The following EPN3 variants were observed in gnomAD, a reference collection of about 807,000 sequenced individuals.
The protein encoded by EPN3 is epsin 3.
In EPN3, 56 loss-of-function variants were observed where a neutral mutation model predicts 55.5. That is an observed-to-expected ratio of 1.01 (90% CI 0.81 to 1.26). The LOEUF (loss-of-function observed/expected upper bound fraction) is 1.26, where lower values mean the gene tolerates loss of function less well. Ranked by LOEUF, EPN3 falls within the 50% of genes most tolerant of loss-of-function variation. The probability of loss-of-function intolerance (pLI) is 0.00; values close to 1 mark genes in which losing one functional copy is unlikely to be tolerated. For synonymous variants in EPN3, 449 were observed against 375.2 expected (o/e 1.20, Z -2.27); for missense variants, 927 against 853.4 (o/e 1.09, Z -1.07).
chr17:50,535,198 GA>G (rs2034742375), intron 1 of EPN3, among the ~76,000 whole-genome samples: 1 of 152,198 alleles, frequency 6.6e-6, no homozygotes, highest in South Asian at 2.1e-4. Flanking sequence ...GGAGAACCCA[GA>G]CTGTTCCTAC....
Position 50,541,280 on chromosome 17 carries a change from C to A in EPN3, c.1301C>A (p.Thr434Asn). ...GCCAAACCTCCAGAATCCACAGAGA[C>A]CAAGGAGGGGCTGGAGCAGGCCCTG... ...PFAKPPESTE[T>N]KEGLEQALPS... is the part of the protein sequence containing the mutation. The change falls in exon 8 of 10, where the codon ACC (threonine) becomes AAC (asparagine). Residue 434 changes from threonine to asparagine, a missense_variant. Thr to Asn is a moderately conservative substitution (Grantham distance 65). Transcript: ENST00000268933. The A allele has an allele frequency of 1.2e-6, 2 of 1,613,568 alleles. No homozygotes were observed. Among genetic ancestry groups the A allele is most frequent in the Non-Finnish European group, 1.7e-6 (2 of 1,180,012 alleles).
Position 50,543,654 on chromosome 17 carries a change from G to C in EPN3, c.*1497G>C, listed in dbSNP as rs538900230. On this transcript the variant is annotated 3_prime_UTR_variant, in exon 10 of 10. Transcript: ENST00000268933. ...ACCTGCTCAGGAGTCAGACTTACAG[G>C]GTTCAAAGTTCTGCTCCAAGGTTTG... 1.3e-5 allele frequency: 2 copies of C among 152,286 alleles called. No homozygotes were observed. The highest frequency in any genetic ancestry group is 2.4e-5 in the African/African-American group (1 of 41,554). 9.4% of individuals were successfully genotyped at this position (152,286 alleles called of 1,614,324 possible).
Position 50,540,891 on chromosome 17 carries a change from C to T in EPN3, c.1078C>T (p.Pro360Ser). 6.2e-7 allele frequency: 1 copy of T among 1,614,164 alleles called. No individual in the cohort carries two copies. Among genetic ancestry groups the T allele is most frequent in the African/African-American group, 1.3e-5 (1 of 75,054 alleles). ...PSGTVLSRSQPWDLTPMLSSS... is the reference protein window; with the variant it reads ...PSGTVLSRSQSWDLTPMLSSS... ...AGGAACCGTCCTGTCCCGAAGCCAGCCCTGGGATCTGACTCCCATGCTCTC... is the reference window on the plus strand; with the variant it reads ...AGGAACCGTCCTGTCCCGAAGCCAGTCCTGGGATCTGACTCCCATGCTCTC... The change falls in exon 7 of 10, where the codon CCC becomes TCC. Residue 360 changes from proline to serine, a missense_variant. Pro to Ser is a moderately conservative substitution (Grantham distance 74, BLOSUM62 -1). Transcript: ENST00000268933.
At position 50,536,527 on chromosome 17, in the gene EPN3, C is replaced by CT; in HGVS notation, c.-30_-29insT. 1 of 1,612,236 alleles carries CT rather than the reference C, an allele frequency of 6.2e-7. No individual in the cohort carries two copies. Among genetic ancestry groups the CT allele is most frequent in the Admixed American group, 1.7e-5 (1 of 60,018 alleles). ...CTCAGCCCTCCACCTCCGGCGGGGG[C>CT]GAGGGCCACCCACCTCCAAGTCTCC... On this transcript the variant is annotated 5_prime_UTR_variant, in exon 2 of 10. Transcript: ENST00000268933.
At position 50,542,249 on chromosome 17, in the gene EPN3, T is replaced by G; in HGVS notation, c.*92T>G. 1.5e-6 allele frequency: 2 copies of G among 1,318,654 alleles called. No individual in the cohort carries two copies. Among genetic ancestry groups the G allele is most frequent in the Admixed American group, 7.8e-5 (2 of 25,620 alleles). 81.7% of individuals were successfully genotyped at this position (1,318,654 alleles called of 1,614,324 possible). ...GGGCTGGGCGGGGCGCCGGTGCTAG[T>G]GGAACGCCGAGCCAGTGGCGGCTGG... On this transcript the variant is annotated 3_prime_UTR_variant, in exon 10 of 10. Coordinates refer to ENST00000268933, the MANE Select transcript of EPN3 (RefSeq NM_017957.3).
intron 2 of EPN3, 175 bp from the exon 3 acceptor site, chr17:50,537,904 A>G (rs1032962766): frequency 1.7e-6 from 1 of 574,400 alleles, no homozygotes; most frequent in Non-Finnish European, 3.1e-6. Context: ...TCCATCCGGG[A>G]TGGGTTGGGA....
chr17:50,533,784 CCT>C (rs2034715727), intron 1 of EPN3, among the ~76,000 whole-genome samples: 2 of 144,334 alleles, frequency 1.4e-5, no homozygotes, highest in African/African-American at 5.0e-5. Flanking sequence ...GCTCCCATCC[CCT>C]CAGCTTCCTC....
rs149630018 is a variant in EPN3, at chr17:50,536,633, A to G, written c.77A>G (p.Glu26Gly). 7.4e-6 allele frequency: 12 copies of G among 1,614,092 alleles called. No individual in the cohort carries two copies. Among genetic ancestry groups the G allele is most frequent in the Non-Finnish European group, 1.0e-5 (12 of 1,180,012 alleles). The part of the protein sequence containing the change: ...NYSEAEIKVR[E>G]ATSNDPWGPP... The stretch of plus-strand genomic sequence containing the variant: ...TCCGAGGCAGAAATCAAGGTGCGCG[A>G]GGCCACCAGCAATGACCCCTGGGGC... Residue 26 changes from glutamate to glycine, a missense_variant, in exon 2 of 10, where the codon GAG becomes GGG. Physicochemically the swap from Glu to Gly is moderately conservative, Grantham distance 98 (BLOSUM62 -2). Coordinates refer to ENST00000268933, the MANE Select transcript of EPN3 (RefSeq NM_017957.3).
chr17:50,541,371 G>C, intron 8 of EPN3, 38 bp downstream of exon 8: 1 of 1,608,072 alleles, frequency 6.2e-7, no homozygotes, highest in Non-Finnish European at 8.5e-7. Flanking sequence ...TCTGGGGAAT[G>C]AGGGGCCCAC....
chr17:50,539,617 C>T (rs1348879977), intron 5 of EPN3, among the ~76,000 whole-genome samples: 2 of 152,206 alleles, frequency 1.3e-5, no homozygotes, highest in Non-Finnish European at 2.9e-5. Context: ...CCCTTCTGCA[C>T]AGTGTGCTTA....
In EPN3 at chr17:50,539,190, G is replaced by T; in HGVS notation, c.766G>T (p.Val256Leu). 6.2e-7 allele frequency: 1 copy of T among 1,613,954 alleles called. No individual in the cohort carries two copies. Among genetic ancestry groups the T allele is most frequent in the South Asian group, 1.1e-5 (1 of 91,072 alleles). The change falls in exon 5 of 10, where the codon GTG (valine) becomes TTG (leucine). Residue 256 changes from valine (V) to leucine (L), a missense_variant. Physicochemically the swap from Val to Leu is conservative, Grantham distance 32 (BLOSUM62 1). Coordinates refer to ENST00000268933, the MANE Select transcript of EPN3 (RefSeq NM_017957.3). The part of the protein sequence containing the change: ...RLSRQEHEKE[V>L]RSWQGDGSPM... ...ACTCTTTCTGTGCCTTCTGCAGGAG[G>T]TGAGGTCCTGGCAGGGTGATGGCTC...
rs774095759 is a variant in EPN3 at position 50,539,250 on chromosome 17, C to T, written c.826C>T (p.His276Tyr). 4 of 1,614,178 alleles carry T rather than the reference C, an allele frequency of 2.5e-6. No homozygotes were observed. In the East Asian group the frequency reaches 6.7e-5, roughly 27 times the overall value. The change falls in exon 5 of 10, where the codon CAT (histidine) becomes TAT (tyrosine). Residue 276 changes from histidine to tyrosine, a missense_variant. Transcript: ENST00000268933. ...CAATGGTGCAGGGGCCGTGGTCCAC[C>T]ATCAGCGGGACAGAGAGCCTGAGAG... ...MANGAGAVVHHQRDREPEREE... is the reference protein window; with the variant it reads ...MANGAGAVVHYQRDREPEREE...
intron 1 of EPN3, among the ~76,000 whole-genome samples, chr17:50,535,720 C>T (rs568560615): frequency 1.3e-5 from 2 of 152,144 alleles, no homozygotes; most frequent in Non-Finnish European, 2.9e-5. Flanking sequence ...TGGACCAAGG[C>T]GTGTGTTCTG....
rs370636443 is a variant in EPN3, at chr17:50,536,596, G to A, written c.40G>A (p.Val14Met). ...SALRRQVKNI[V>M]HNYSEAEIKV... ...ACTCCGGCGCCAGGTGAAGAACATC[G>A]TGCACAACTACTCCGAGGCAGAAAT... Residue 14 changes from valine to methionine, a missense_variant, in exon 2 of 10, where the codon GTG becomes ATG. Transcript: ENST00000268933. The A allele has an allele frequency of 1.7e-5, 27 of 1,613,894 alleles. No individual in the cohort carries two copies. The highest frequency in any genetic ancestry group is 8.3e-5 in the Admixed American group (5 of 60,004).
intron 6 of EPN3, 101 bp downstream of exon 6, chr17:50,540,435 C>A: frequency 8.8e-7 from 1 of 1,132,260 alleles, no homozygotes; most frequent in South Asian, 1.5e-5. Context: ...ATCTGAGTGT[C>A]ACCGGGCAAG....
intron 1 of EPN3, among the ~76,000 whole-genome samples, chr17:50,533,754 T>A (rs1567902325): frequency 6.6e-6 from 1 of 152,024 alleles, no homozygotes; most frequent in Non-Finnish European, 1.5e-5. Flanking sequence ...CCGTGGCCCA[T>A]CCCACCGCCT....
Position 50,540,224 on chromosome 17 carries a change from G to A in EPN3, c.892-23G>A, listed in dbSNP as rs199762067. The A allele has an allele frequency of 8.2e-5, 131 of 1,606,216 alleles. 2 individuals are homozygous for A. The highest frequency in any genetic ancestry group is 1.1e-4 in the South Asian group (10 of 90,896). On this transcript the variant is annotated intron_variant, in intron 5 of 9. Transcript: ENST00000268933. ...TCCAGGCCCCGCCCACTTCTGAGCC[G>A]CGGCTGCCTCTCCCCTCCACAGTCC...
rs912889042 is a variant in EPN3, at chr17:50,542,310, A to T, written c.*153A>T. 1.3e-5 allele frequency: 10 copies of T among 748,252 alleles called. No individual in the cohort carries two copies. In the African/African-American group the frequency reaches 1.9e-4, roughly 14 times the overall value. The allele number at this position is 748,252 out of a possible 1,614,324, so 46.4% of individuals were successfully genotyped here. ...CGGCTCTGGAAGCTGGACGCGGACC[A>T]CGGCCCGGGAGCTAGAAACTGAACG... On this transcript the variant is annotated 3_prime_UTR_variant, in exon 10 of 10. Coordinates refer to ENST00000268933, the MANE Select transcript of EPN3 (RefSeq NM_017957.3).
Position 50,536,519 on chromosome 17 carries a change from G to T in EPN3, c.-38G>T, listed in dbSNP as rs367933334. The T allele has an allele frequency of 6.2e-7, 1 of 1,611,580 alleles. No individual in the cohort carries two copies. Among genetic ancestry groups the T allele is most frequent in the African/African-American group, 1.3e-5 (1 of 74,860 alleles). On this transcript the variant is annotated 5_prime_UTR_variant, in exon 2 of 10. Transcript: ENST00000268933. ...CAGTGGCCCTCAGCCCTCCACCTCC[G>T]GCGGGGGCGAGGGCCACCCACCTCC...
Sources: gnomAD v4.1 joint callset for allele counts (sites outside exome capture counted in the v4.1 genomes callset) on GRCh38, gnomAD v4.1.1 for gene constraint, MANE v1.5 for transcripts, NCBI Gene and HGNC (gene_info 2026-07-23, HGNC 2026-07-21) for gene names.